The following HUS1 variants were observed in gnomAD, a reference collection of about 807,000 sequenced individuals.
HUS1 encodes HUS1 checkpoint clamp component, also known as checkpoint protein HUS1.
A neutral mutation model predicts 32.6 loss-of-function variants in HUS1; 31 were observed. The observed-to-expected ratio is 0.95, with a 90% CI of 0.72 to 1.28. The LOEUF (loss-of-function observed/expected upper bound fraction) is 1.28. Among genes scored for constraint, HUS1 ranks in the 50% most tolerant of loss-of-function variants. The pLI is 0.00. For missense variants in HUS1, 340 were observed against 337.7 expected, an observed-to-expected ratio of 1.01 and a Z score of -0.05; for synonymous variants, 123 against 116.6, an observed-to-expected ratio of 1.06 and a Z score of -0.36.
chr7:47,972,988 T>C (rs532430506), intron 5 of HUS1, among the ~76,000 whole-genome samples: 42 of 152,316 alleles, frequency 2.8e-4, no homozygotes, highest in Non-Finnish European at 5.9e-4. Context: ...GACTGGATCA[T>C]GGGGGCAGCT....
At chr7:47,972,603 G>A (rs769836546) in intron 5 of HUS1, among the ~76,000 whole-genome samples, 1 of 152,166 alleles carries the variant, frequency 6.6e-6, no homozygotes, top group Non-Finnish European at 1.5e-5. Flanking sequence ...GTCAACTATT[G>A]TTTATAGAAT....
chr7:47,971,396 C>T (rs1458105102), intron 5 of HUS1: 2 of 450,146 alleles, frequency 4.4e-6, no homozygotes, highest in African/African-American at 4.0e-5. Context: ...CATCGGGCAC[C>T]CCTCTTCTAC....
At chr7:47,966,779 A>G (rs192615337) in intron 7 of HUS1, among the ~76,000 whole-genome samples, 63 of 152,286 alleles carry the variant, frequency 4.1e-4, no homozygotes, top group African/African-American at 1.5e-3. Context: ...GAAATATGAC[A>G]TCGTCCATGT....
In HUS1 at chr7:47,965,642, G is replaced by A. The variant is rs3176606; in HGVS notation, c.761-204C>T. Reference sequence around the variant, plus strand: ...CCCCAGCACTGGCGGCTCCCTGTGCGAGGAGAGGAAAAGTGAAGCGGCCCA... The same window carrying A: ...CCCCAGCACTGGCGGCTCCCTGTGCAAGGAGAGGAAAAGTGAAGCGGCCCA... On this transcript the variant is annotated intron_variant, in intron 7 of 7. Coordinates refer to ENST00000258774, the MANE Select transcript of HUS1 (RefSeq NM_004507.4). Among the ~76,000 whole-genome samples, 1,159 of 152,304 alleles carry A rather than the reference G, an allele frequency of 7.6e-3. 21 individuals carry two copies. The highest frequency in any genetic ancestry group is 0.026 in the African/African-American group (1,081 of 41,564).
chr7:47,966,925 G>C (rs537537263), intron 7 of HUS1, among the ~76,000 whole-genome samples: 52 of 152,250 alleles, frequency 3.4e-4, no homozygotes, highest in African/African-American at 1.2e-3. Flanking sequence ...CTCCAACTGT[G>C]TGACACCTTC....
chr7:47,969,344 C>A (rs1245298437), intron 5 of HUS1, 26 bp from the exon 6 acceptor site: 1 of 1,336,688 alleles, frequency 7.5e-7, no homozygotes, highest in Admixed American at 1.9e-5. Context: ...TTTACATAGT[C>A]TTAGAAAAGG....
chr7:47,972,516 T>C (rs2128765648), intron 5 of HUS1, among the ~76,000 whole-genome samples: 1 of 152,372 alleles, frequency 6.6e-6, no homozygotes, highest in South Asian at 2.1e-4. Flanking sequence ...GATTCAGTTA[T>C]TTGGGATATT....
Position 47,978,501 on chromosome 7 carries a change from G to C in HUS1, c.273C>G (p.Ala91=). 6.2e-7 allele frequency: 1 copy of C among 1,614,190 alleles called. No homozygotes were observed. The highest frequency in any genetic ancestry group is 8.5e-7 in the Non-Finnish European group (1 of 1,180,016). The stretch of plus-strand genomic sequence containing the variant: ...CCCTGGCATTCTGGGCAGTCTTCAA[G>C]GCTCGAGATAAGTTTTCCGATGTTA... ...LELTSENLSR[A]LKTAQNARAL... The change falls in exon 3 of 8, where the codon GCC becomes GCG. Residue 91 remains alanine (A), a synonymous_variant. Transcript: ENST00000258774.
At chr7:47,974,982 G>A (rs1236019676) in intron 5 of HUS1, among the ~76,000 whole-genome samples, 1 of 152,174 alleles carries the variant, frequency 6.6e-6, no homozygotes, top group Non-Finnish European at 1.5e-5. Flanking sequence ...TCATATCAGT[G>A]ACTCACAGAA....
Position 47,965,100 on chromosome 7 carries a change from C to A in HUS1, c.*256G>T. On this transcript the variant is annotated 3_prime_UTR_variant, in exon 8 of 8. Transcript: ENST00000258774. ...TCAATGAGAAATTGTTCTTTAAAGT[C>A]TGAATAAATAAATTCTAGCTTTTCT... is the stretch of plus-strand genomic sequence containing the variant. 2.9e-6 allele frequency: 1 copy of A among 344,430 alleles called. No homozygotes were observed. The highest frequency in any genetic ancestry group is 5.4e-6 in the Non-Finnish European group (1 of 184,658). 21.3% of individuals were successfully genotyped at this position (344,430 alleles called of 1,614,324 possible).
intron 3 of HUS1, 79 bp downstream of exon 3, chr7:47,978,338 G>A (rs1583726009): frequency 8.0e-7 from 1 of 1,248,016 alleles, no homozygotes; most frequent in South Asian, 1.4e-5. Flanking sequence ...AGTATTTATT[G>A]TTAAAAAGGC....
chr7:47,976,286 T>C (rs1788702128), intron 4 of HUS1: 5 of 447,118 alleles, frequency 1.1e-5, no homozygotes, highest in Admixed American at 9.9e-5. Context: ...GCATCATCTT[T>C]ACTTTCAGGA....
intron 7 of HUS1, among the ~76,000 whole-genome samples, chr7:47,966,640 G>C (rs908165707): frequency 6.6e-5 from 10 of 152,128 alleles, no homozygotes; most frequent in African/African-American, 2.2e-4. Flanking sequence ...CAGCCATGAG[G>C]CCCAGCCCAA....
At chr7:47,975,317 C>CAA (rs199919857) in intron 5 of HUS1, among the ~76,000 whole-genome samples, 31 of 60,942 alleles carry the variant, frequency 5.1e-4, no homozygotes, top group Non-Finnish European at 7.8e-4. Flanking sequence ...GACTCTGTCT[C>CAA]AAAAAAAAAA....
At position 47,978,250 on chromosome 7, in the gene HUS1, T is replaced by G. The variant is rs192913371; in HGVS notation, c.357+167A>C. 2.1e-3 allele frequency: 1,180 copies of G among 562,464 alleles called. 4 individuals are homozygous for G. Among genetic ancestry groups the G allele is most frequent in the Non-Finnish European group, 2.2e-3 (724 of 327,292 alleles). The allele number at this position is 562,464 out of a possible 1,614,324, so 34.8% of individuals were successfully genotyped here. On this transcript the variant is annotated intron_variant, in intron 3 of 7. Transcript: ENST00000258774. ...ATATGATAACAACACAATTTTAAAATGAGGAGGAACTGACTCTAATGCAAA... is the reference window on the plus strand; with the variant it reads ...ATATGATAACAACACAATTTTAAAAGGAGGAGGAACTGACTCTAATGCAAA...
chr7:47,974,542 A>G (rs1394502851), intron 5 of HUS1, among the ~76,000 whole-genome samples: 1 of 152,178 alleles, frequency 6.6e-6, no homozygotes, highest in East Asian at 1.9e-4. Flanking sequence ...GGGTGTGGCA[A>G]TACAACAGAG....
chr7:47,973,857 C>T (rs1466336822), intron 5 of HUS1, among the ~76,000 whole-genome samples: 1 of 152,174 alleles, frequency 6.6e-6, no homozygotes, highest in East Asian at 1.9e-4. Flanking sequence ...CAAACAAATG[C>T]CATCCTTCAA....
chr7:47,966,344 G>T (rs1788477644), intron 7 of HUS1, among the ~76,000 whole-genome samples: 1 of 152,202 alleles, frequency 6.6e-6, no homozygotes, highest in Admixed American at 6.5e-5. Context: ...CAATTTGCTG[G>T]TCTTCCTTTC....
intron 6 of HUS1, 62 bp from the exon 7 acceptor site, chr7:47,967,987 A>G: frequency 1.3e-6 from 2 of 1,537,096 alleles, no homozygotes; most frequent in South Asian, 1.2e-5. Flanking sequence ...ACCTGGAGAT[A>G]CTCAATGCAT....
Sources: gnomAD v4.1 joint callset for allele counts (sites outside exome capture counted in the v4.1 genomes callset) on GRCh38, gnomAD v4.1.1 for gene constraint, MANE v1.5 for transcripts, NCBI Gene and HGNC (gene_info 2026-07-23, HGNC 2026-07-21) for gene names.